Variants in KDM3B observed in about 807,000 individuals in gnomAD.
KDM3B encodes the protein lysine-specific demethylase 3B.
Under a neutral mutation model 170.0 loss-of-function variants are expected in KDM3B, and 10 were observed. The observed-to-expected ratio is 0.06, with a 90% CI of 0.04 to 0.10. The LOEUF (loss-of-function observed/expected upper bound fraction) is 0.10. KDM3B is among the 10% of genes least tolerant of loss of function. KDM3B has a pLI of 1.00. For missense variants in KDM3B, 1,394 were observed against 2,195.2 expected (o/e 0.64, Z 7.29); for synonymous variants, 831 against 834.8 (o/e 1.00, Z 0.08).
intron 1 of KDM3B, among the ~76,000 whole-genome samples, chr5:138,359,277 T>G (rs1761538463): frequency 6.6e-6 from 1 of 151,984 alleles, no homozygotes; most frequent in South Asian, 2.1e-4. Flanking sequence ...TTCTCCTGGC[T>G]TAGTCTCCTG....
chr5:138,391,112 G>T lies in KDM3B; in HGVS notation c.1480G>T (p.Gly494Cys). The change falls in exon 8 of 24, where the codon GGT becomes TGT. Residue 494 changes from glycine to cysteine, a missense_variant. Gly to Cys is a radical substitution (Grantham distance 159). Coordinates refer to ENST00000314358, the MANE Select transcript of KDM3B (RefSeq NM_016604.4). This position sits in a 1 kb window ranked among gnomAD's most constrained non-coding sequence, Gnocchi z 5.0. ...TFGSGRSQSN[G>C]VLATENKPLG... ...TGGAAGTGGAAGGAGCCAGTCCAATGGTGTTCTAGCCACAGAGAACAAACC... is the reference window on the plus strand; with the variant it reads ...TGGAAGTGGAAGGAGCCAGTCCAATTGTGTTCTAGCCACAGAGAACAAACC... 1.2e-6 allele frequency: 2 copies of T among 1,614,090 alleles called. No homozygotes were observed. Among genetic ancestry groups the T allele is most frequent in the Non-Finnish European group, 1.7e-6 (2 of 1,179,980 alleles).
At chr5:138,392,981 T>C (rs969679814) in intron 8 of KDM3B, among the ~76,000 whole-genome samples, 190 bp from the exon 9 acceptor site, 2 of 152,236 alleles carry the variant, frequency 1.3e-5, no homozygotes, top group African/African-American at 4.8e-5. Flanking sequence ...GCATGGTTCT[T>C]AGCTCCCAAT....
intron 11 of KDM3B, among the ~76,000 whole-genome samples, chr5:138,401,441 C>T (rs953074573): frequency 6.6e-6 from 1 of 152,174 alleles, no homozygotes; most frequent in Admixed American, 6.5e-5. Flanking sequence ...TGTGTTTTAG[C>T]ACATGTGAAC....
intron 6 of KDM3B, among the ~76,000 whole-genome samples, chr5:138,383,944 C>G (rs1178273985): frequency 2.0e-5 from 3 of 150,972 alleles, no homozygotes; most frequent in Non-Finnish European, 4.4e-5. Context: ...GAGCAAAACT[C>G]CGTCTCAAAA....
chr5:138,391,144 C>T lies in KDM3B; in HGVS notation c.1512C>T (p.Gly504=). Residue 504 remains glycine (G), a synonymous_variant, in exon 8 of 24, where the codon GGC becomes GGT. Transcript: ENST00000314358. This position sits in a 1 kb window ranked among gnomAD's most constrained non-coding sequence, Gnocchi z 5.0. Reference sequence around the variant, plus strand: ...TAGCCACAGAGAACAAACCTTTGGGCTTCTCTTTTGGCTGTAGCTCTGCAC... The same window carrying T: ...TAGCCACAGAGAACAAACCTTTGGGTTTCTCTTTTGGCTGTAGCTCTGCAC... ...GVLATENKPL[G]FSFGCSSAQE... 2 of 1,614,176 alleles carry T rather than the reference C, an allele frequency of 1.2e-6. No individual in the cohort carries two copies. Among genetic ancestry groups the T allele is most frequent in the African/African-American group, 1.3e-5 (1 of 75,064 alleles).
Position 138,424,128 on chromosome 5 carries a change from A to T in KDM3B, c.4026A>T (p.Ser1342=). Residue 1342 remains serine (S), a synonymous_variant, in exon 16 of 24, where the codon TCA becomes TCT. Transcript: ENST00000314358. ...LPNFLDHIIA[S]VVENKKTSDA... ...ACTTTCTTGACCACATCATTGCCTCAGTGGTAGAAAATAAGAAAACCTCAG... is the reference window on the plus strand; with the variant it reads ...ACTTTCTTGACCACATCATTGCCTCTGTGGTAGAAAATAAGAAAACCTCAG... 1 of 1,609,996 alleles carries T rather than the reference A, an allele frequency of 6.2e-7. No homozygotes were observed. The highest frequency in any genetic ancestry group is 8.5e-7 in the Non-Finnish European group (1 of 1,177,232).
chr5:138,368,116 C>T (rs1276718960), intron 1 of KDM3B, among the ~76,000 whole-genome samples: 2 of 152,158 alleles, frequency 1.3e-5, no homozygotes, highest in Non-Finnish European at 2.9e-5. Context: ...CAATCACTAC[C>T]CTTATTTTTG....
chr5:138,400,893 T>C (rs559781934), intron 11 of KDM3B, among the ~76,000 whole-genome samples: 1 of 138,722 alleles, frequency 7.2e-6, no homozygotes, highest in Admixed American at 7.2e-5. Context: ...TCCACTTTTT[T>C]CTCTTTTTTT....
intron 6 of KDM3B, among the ~76,000 whole-genome samples, chr5:138,382,953 A>G (rs369553906): frequency 3.3e-5 from 5 of 152,088 alleles, no homozygotes; most frequent in Admixed American, 1.3e-4. Flanking sequence ...TATGCCAGGT[A>G]CTGTTCAGCT....
chr5:138,361,342 T>C (rs1761604904), intron 1 of KDM3B, among the ~76,000 whole-genome samples: 2 of 149,094 alleles, frequency 1.3e-5, no homozygotes, highest in African/African-American at 4.9e-5. Context: ...GAAACTCCTT[T>C]TTTTTTTTTT....
At chr5:138,387,459 G>A (rs1336466704) in intron 7 of KDM3B, among the ~76,000 whole-genome samples, 1 of 152,098 alleles carries the variant, frequency 6.6e-6, no homozygotes, top group Non-Finnish European at 1.5e-5. Flanking sequence ...TGTGTGCTGA[G>A]TACTGTATAT....
chr5:138,404,418 G>A (rs1329838172), intron 11 of KDM3B, among the ~76,000 whole-genome samples: 6 of 152,030 alleles, frequency 3.9e-5, no homozygotes, highest in South Asian at 4.1e-4. Flanking sequence ...ACCTGAGGTC[G>A]GGAGTTCGAG....
rs1763663753 is a variant in KDM3B at position 138,435,957 on chromosome 5, C to G, written c.*257C>G. 9.3e-6 allele frequency: 4 copies of G among 431,902 alleles called. No homozygotes were observed. In the East Asian group the frequency reaches 1.6e-4, roughly 17 times the overall value. 26.8% of individuals were successfully genotyped at this position (431,902 alleles called of 1,614,324 possible). ...CCCTATCCTGTGGCCTTTTGGAAAT[C>G]CAAATTGCCTGAACATGGCGGGGCT... On this transcript the variant is annotated 3_prime_UTR_variant, in exon 24 of 24. Coordinates refer to ENST00000314358, the MANE Select transcript of KDM3B (RefSeq NM_016604.4).
intron 23 of KDM3B, among the ~76,000 whole-genome samples, chr5:138,431,834 A>T (rs894485284): frequency 6.6e-6 from 1 of 151,740 alleles, no homozygotes; most frequent in African/African-American, 2.4e-5. Flanking sequence ...AATTGCTTGA[A>T]CTGGGAGGTG....
At chr5:138,407,793 C>T (rs528663264) in intron 11 of KDM3B, among the ~76,000 whole-genome samples, 1 of 152,268 alleles carries the variant, frequency 6.6e-6, no homozygotes, top group South Asian at 2.1e-4. Context: ...GTTCCCCACA[C>T]AACACCTCTT....
intron 6 of KDM3B, among the ~76,000 whole-genome samples, chr5:138,385,283 A>T (rs914824590): frequency 9.9e-5 from 15 of 152,072 alleles, no homozygotes; most frequent in Admixed American, 5.9e-4. Flanking sequence ...CAGCCTCCCA[A>T]AGTGTTGGGA....
intron 23 of KDM3B, among the ~76,000 whole-genome samples, 164 bp downstream of exon 23, chr5:138,431,723 C>G (rs1027380783): frequency 6.6e-6 from 1 of 152,200 alleles, no homozygotes; most frequent in South Asian, 2.1e-4. Context: ...TTTTAGGAAG[C>G]ATTTAATTTT....
intron 1 of KDM3B, among the ~76,000 whole-genome samples, chr5:138,355,575 C>T (rs1761429139): frequency 6.6e-6 from 1 of 152,194 alleles, no homozygotes; most frequent in Non-Finnish European, 1.5e-5. Context: ...AGCTTTTCCC[C>T]CACTTTCTAG....
At chr5:138,427,902 T>C in intron 19 of KDM3B, 65 bp from the exon 20 acceptor site, 1 of 1,487,126 alleles carries the variant, frequency 6.7e-7, no homozygotes, top group Non-Finnish European at 9.3e-7. Context: ...TTTTCAGATG[T>C]AGTGTCGACG....
Sources: allele counts gnomAD v4.1 joint callset (sites outside exome capture counted in the v4.1 genomes callset), GRCh38; gene constraint gnomAD v4.1.1; non-coding constraint Gnocchi (gnomAD v3.1); transcripts MANE v1.5; gene names NCBI Gene and HGNC (gene_info 2026-07-23, HGNC 2026-07-21).